Variants in ATP6V0A2 observed in about 807,000 individuals in gnomAD.
ATP6V0A2 encodes V-type proton ATPase 116 kDa subunit a 2.
Under a neutral mutation model 104.4 loss-of-function variants are expected in ATP6V0A2, and 58 were observed. The ratio of observed to expected loss-of-function variants is 0.56; its 90% CI spans 0.45 to 0.69. The LOEUF (loss-of-function observed/expected upper bound fraction) is 0.69. Ranked by LOEUF, ATP6V0A2 falls within the 30% of genes least tolerant of loss-of-function variation. ATP6V0A2 has a pLI of 0.00. For missense variants in ATP6V0A2, 938 were observed against 1,062.9 expected, an observed-to-expected ratio of 0.88 and a Z score of 1.63; for synonymous variants, 376 against 397.9, an observed-to-expected ratio of 0.95 and a Z score of 0.65.
At chr12:123,757,527 A>C (rs1415195568) in intron 19 of ATP6V0A2, among the ~76,000 whole-genome samples, 1 of 152,226 alleles carries the variant, frequency 6.6e-6, no homozygotes. Context: ...CGTATGTTTC[A>C]TACTCCTAAT....
At chr12:123,738,527 A>G (rs1257861635) in intron 9 of ATP6V0A2, among the ~76,000 whole-genome samples, 2 of 152,176 alleles carry the variant, frequency 1.3e-5, no homozygotes, top group Non-Finnish European at 2.9e-5. Flanking sequence ...TGACACCAGT[A>G]AGAATATTTT....
rs556869799 is a variant in ATP6V0A2 at position 123,734,534 on chromosome 12, T to C, written c.731+526T>C. ...AAAGGGGAGAGTGATTGCTTTCTTATAGGTCTTTTAGGACTAAATGAAATG... is the reference window on the plus strand; with the variant it reads ...AAAGGGGAGAGTGATTGCTTTCTTACAGGTCTTTTAGGACTAAATGAAATG... On this transcript the variant is annotated intron_variant, in intron 7 of 19. Transcript: ENST00000330342. Among the ~76,000 whole-genome samples the C allele has an allele frequency of 3.8e-4, 58 of 152,346 alleles. 1 individual carries two copies. The highest frequency in any genetic ancestry group is 1.3e-3 in the African/African-American group (55 of 41,580).
chr12:123,751,495 G>A (rs1023421845), intron 16 of ATP6V0A2, among the ~76,000 whole-genome samples: 1 of 151,948 alleles, frequency 6.6e-6, no homozygotes, highest in South Asian at 2.1e-4. Context: ...TCTCTACCAA[G>A]AATACAAAAA....
intron 1 of ATP6V0A2, among the ~76,000 whole-genome samples, chr12:123,717,847 G>A (rs897037360): frequency 6.6e-6 from 1 of 152,166 alleles, no homozygotes; most frequent in East Asian, 1.9e-4. Flanking sequence ...TGTTGTCATA[G>A]ATTTTCATCT....
Position 123,744,530 on chromosome 12 carries a change from C to A in ATP6V0A2, c.1327-67C>A. ...AGAAGTGAGTGGTGAGGGTCGTGCC[C>A]ACACCGACAGCTGTCACATGGACAC... On this transcript the variant is annotated intron_variant, in intron 11 of 19. Coordinates refer to ENST00000330342, the MANE Select transcript of ATP6V0A2 (RefSeq NM_012463.4). This position sits in a 1 kb window ranked among gnomAD's most constrained non-coding sequence, Gnocchi z 5.4. 1 of 1,602,766 alleles carries A rather than the reference C, an allele frequency of 6.2e-7. No individual in the cohort carries two copies. The highest frequency in any genetic ancestry group is 2.3e-4 in the Middle Eastern group (1 of 4,442).
At chr12:123,730,646 C>G (rs889246886) in intron 6 of ATP6V0A2, 4 of 152,108 alleles carry the variant, frequency 2.6e-5, no homozygotes, top group African/African-American at 9.7e-5. Context: ...AAACTAAGAT[C>G]AAAACTGTTC....
In ATP6V0A2 at chr12:123,744,159, T is replaced by C. The variant is rs776454340; in HGVS notation, c.1190-42T>C. 24 of 1,613,592 alleles carry C rather than the reference T, an allele frequency of 1.5e-5. No homozygotes were observed. The highest frequency in any genetic ancestry group is 2.0e-5 in the Non-Finnish European group (24 of 1,179,728). ...TGTTTGAATGAACTCAGGTTTTCCA[T>C]ATTTGCTGTGAATCAGAAATCTCTT... On this transcript the variant is annotated intron_variant, in intron 10 of 19. Coordinates refer to ENST00000330342, the MANE Select transcript of ATP6V0A2 (RefSeq NM_012463.4). The surrounding 1 kb of genome is among the most constrained non-coding windows in gnomAD (Gnocchi z 5.4).
Position 123,760,065 on chromosome 12 carries a change from G to T in ATP6V0A2, c.*2033G>T, listed in dbSNP as rs1322621818. 2 of 152,150 alleles carry T rather than the reference G, an allele frequency of 1.3e-5. No individual in the cohort carries two copies. Among genetic ancestry groups the T allele is most frequent in the Admixed American group, 6.5e-5 (1 of 15,270 alleles). The allele number at this position is 152,150 out of a possible 1,614,324, so 9.4% of individuals were successfully genotyped here. On this transcript the variant is annotated 3_prime_UTR_variant, in exon 20 of 20. Transcript: ENST00000330342. ...ACATTTGTGTTACTTTGCTCCAGGG[G>T]TCTGTCATAAAAACAATGGTAACTA...
chr12:123,719,305 G>A (rs2135880579), intron 2 of ATP6V0A2, among the ~76,000 whole-genome samples: 1 of 151,780 alleles, frequency 6.6e-6, no homozygotes, highest in South Asian at 2.1e-4. Context: ...TCTTAGTCTG[G>A]TACTAGTCAT....
Position 123,744,538 on chromosome 12 carries a change from C to A in ATP6V0A2, c.1327-59C>A. Reference sequence around the variant, plus strand: ...GTGGTGAGGGTCGTGCCCACACCGACAGCTGTCACATGGACACCCTCCAGT... The same window carrying A: ...GTGGTGAGGGTCGTGCCCACACCGAAAGCTGTCACATGGACACCCTCCAGT... On this transcript the variant is annotated intron_variant, in intron 11 of 19. Transcript: ENST00000330342. The surrounding 1 kb of genome is among the most constrained non-coding windows in gnomAD (Gnocchi z 5.4). 1 of 1,605,904 alleles carries A rather than the reference C, an allele frequency of 6.2e-7. No individual in the cohort carries two copies. Among genetic ancestry groups the A allele is most frequent in the Non-Finnish European group, 8.5e-7 (1 of 1,175,246 alleles).
At position 123,751,230 on chromosome 12, in the gene ATP6V0A2, G is replaced by T. The variant is rs1452015248; in HGVS notation, c.2055+1G>T. On this transcript the variant is annotated splice_donor_variant, in intron 16 of 19. Transcript: ENST00000330342. LOFTEE classifies it high-confidence loss of function. ...GCGTAGTTGCTTCGGGGTGAACCGG[G>T]TAAGTGCGGGTTTGGATGCATTTAC... 1 of 1,614,184 alleles carries T rather than the reference G, an allele frequency of 6.2e-7. No individual in the cohort carries two copies.
chr12:123,744,185 T>C lies in ATP6V0A2; in HGVS notation c.1190-16T>C, dbSNP rs1014684574. The stretch of plus-strand genomic sequence containing the variant: ...ATTTGCTGTGAATCAGAAATCTCTT[T>C]CCCTTTTTTCTGCAGCTCTCTTTAC... On this transcript the variant is annotated splice_polypyrimidine_tract_variant and intron_variant, in intron 10 of 19. Coordinates refer to ENST00000330342, the MANE Select transcript of ATP6V0A2 (RefSeq NM_012463.4). The surrounding 1 kb of genome is among the most constrained non-coding windows in gnomAD (Gnocchi z 5.4). 6.2e-7 allele frequency: 1 copy of C among 1,614,052 alleles called. No homozygotes were observed. Among genetic ancestry groups the C allele is most frequent in the Non-Finnish European group, 8.5e-7 (1 of 1,180,036 alleles).
intron 1 of ATP6V0A2, 52 bp downstream of exon 1, chr12:123,712,734 A>G (rs1191553406): frequency 4.2e-6 from 6 of 1,445,472 alleles, no homozygotes; most frequent in Middle Eastern, 3.5e-4. Context: ...GGCGCCCCCA[A>G]TCCCGCGCAT....
chr12:123,756,080 CAA>C (rs780283574), intron 18 of ATP6V0A2, among the ~76,000 whole-genome samples: 5 of 61,092 alleles, frequency 8.2e-5, no homozygotes, highest in Admixed American at 1.6e-4. Flanking sequence ...GACTCTGTCT[CAA>C]AAAAAAAAAA....
rs763022700 is a variant in ATP6V0A2, at chr12:123,751,202, T to G, written c.2028T>G (p.Asn676Lys). ...CACTGTTTTTGTTGTGGCTTCACAA[T>G]GGGCGTAGTTGCTTCGGGGTGAACC... ...GKPLFLLWLH[N>K]GRSCFGVNRS... The change falls in exon 16 of 20, where the codon AAT becomes AAG. Residue 676 changes from asparagine (N) to lysine (K), a missense_variant. Physicochemically the swap from Asn to Lys is moderately conservative, Grantham distance 94. Coordinates refer to ENST00000330342, the MANE Select transcript of ATP6V0A2 (RefSeq NM_012463.4). 7.4e-6 allele frequency: 12 copies of G among 1,614,220 alleles called. No individual in the cohort carries two copies. The South Asian group carries it at 1.3e-4, about 18-fold the overall frequency.
At chr12:123,714,389 C>CT (rs1346924921) in intron 1 of ATP6V0A2, among the ~76,000 whole-genome samples, 2 of 152,126 alleles carry the variant, frequency 1.3e-5, no homozygotes, top group Non-Finnish European at 2.9e-5. Context: ...TTCCTACTGA[C>CT]TTTGTGGTGA....
chr12:123,745,751 C>T (rs1429830861), intron 13 of ATP6V0A2, among the ~76,000 whole-genome samples: 1 of 151,382 alleles, frequency 6.6e-6, no homozygotes, highest in Non-Finnish European at 1.5e-5. Context: ...CCCAGGGTGC[C>T]AGGACCCCCA....
chr12:123,736,966 T>C lies in ATP6V0A2; in HGVS notation c.826-93T>C. On this transcript the variant is annotated intron_variant, in intron 8 of 19. Transcript: ENST00000330342. ...GGTGCCTGGAATGATCCTCTGTCAA[T>C]GGGGAGAAAGTCCTCTAAGGGAAGT... 4.9e-6 allele frequency: 6 copies of C among 1,234,462 alleles called. No individual in the cohort carries two copies. In the South Asian group the frequency reaches 4.9e-5, roughly 10 times the overall value. 76.5% of individuals were successfully genotyped at this position (1,234,462 alleles called of 1,614,324 possible).
intron 5 of ATP6V0A2, 87 bp downstream of exon 5, chr12:123,726,372 C>G: frequency 1.1e-6 from 1 of 921,310 alleles, no homozygotes; most frequent in Non-Finnish European, 1.8e-6. Flanking sequence ...GAATGGAGAC[C>G]ATTTTAAAGC....
Sources: gnomAD v4.1 joint callset for allele counts (sites outside exome capture counted in the v4.1 genomes callset) on GRCh38, gnomAD v4.1.1 for gene constraint, Gnocchi (gnomAD v3.1) non-coding constraint, MANE v1.5 for transcripts, NCBI Gene and HGNC (gene_info 2026-07-23, HGNC 2026-07-21) for gene names.